Variants in FMO2 observed in about 807,000 individuals in gnomAD.
The protein encoded by FMO2 is flavin containing dimethylaniline monoxygenase 2, also known as flavin-containing monooxygenase 2.
Under a neutral mutation model 41.6 loss-of-function variants are expected in FMO2, and 33 were observed. The observed-to-expected ratio is 0.79, with a 90% CI of 0.60 to 1.06. The LOEUF (loss-of-function observed/expected upper bound fraction) is 1.06, where lower values mean the gene tolerates loss of function less well. Among genes scored for constraint, FMO2 ranks in the 50% least tolerant of loss-of-function variants. FMO2 has a pLI of 0.00. For synonymous variants in FMO2, 214 were observed against 219.6 expected (o/e 0.97, Z 0.23); for missense variants, 619 against 632.9 (o/e 0.98, Z 0.23).
intron 5 of FMO2, among the ~76,000 whole-genome samples, chr1:171,200,948 A>G (rs1279034840): frequency 6.6e-6 from 1 of 152,138 alleles, no homozygotes; most frequent in African/African-American, 2.4e-5. Flanking sequence ...TCCATCCTAG[A>G]CTACTTCACG....
chr1:171,208,906 C>A lies in FMO2; in HGVS notation c.1369C>A (p.Pro457Thr). ...PDFCSLLFKDPKLAVRLYFGP... is the reference protein window; with the variant it reads ...PDFCSLLFKDTKLAVRLYFGP... ...TTTCTGCTCTCTCTTGTTCAAAGAT[C>A]CTAAACTGGCTGTGAGACTCTATTT... The change falls in exon 9 of 9, where the codon CCT becomes ACT. Residue 457 changes from proline to threonine, a missense_variant. Physicochemically the swap from Pro to Thr is conservative, Grantham distance 38 (BLOSUM62 -1). Transcript: ENST00000209929. The A allele has an allele frequency of 1.2e-6, 2 of 1,613,942 alleles. No individual in the cohort carries two copies. Among genetic ancestry groups the A allele is most frequent in the Non-Finnish European group, 1.7e-6 (2 of 1,179,890 alleles).
In FMO2 at chr1:171,193,477, G is replaced by T. The variant is rs2101987441; in HGVS notation, c.275G>T (p.Arg92Met). 1 of 1,611,736 alleles carries T rather than the reference G, an allele frequency of 6.2e-7. No homozygotes were observed. Among genetic ancestry groups the T allele is most frequent in the South Asian group, 1.1e-5 (1 of 90,738 alleles). Residue 92 changes from arginine (R) to methionine (M), a missense_variant, in exon 3 of 9, where the codon AGG becomes ATG. Coordinates refer to ENST00000209929, the MANE Select transcript of FMO2 (RefSeq NM_001460.5). ...LHNSKLLEYF[R>M]IFAKKFDLLK... is the part of the protein sequence containing the mutation. ...AATTCTAAACTTCTGGAATATTTCA[G>T]GATTTTTGCTAAAAAATTTGATCTG...
intron 8 of FMO2, 101 bp from the exon 9 acceptor site, chr1:171,208,693 T>C: frequency 9.2e-7 from 1 of 1,084,472 alleles, no homozygotes; most frequent in Non-Finnish European, 1.4e-6. Flanking sequence ...CTCATTCACA[T>C]ATTCACTCAT....
chr1:171,206,853 T>C (rs967325110), intron 7 of FMO2, among the ~76,000 whole-genome samples: 10 of 152,108 alleles, frequency 6.6e-5, no homozygotes, highest in African/African-American at 2.4e-4. Context: ...AGGGCAGAGA[T>C]ACAAAGTGGA....
At chr1:171,193,701 A>G (rs1267950707) in intron 3 of FMO2, among the ~76,000 whole-genome samples, 178 bp downstream of exon 3, 1 of 152,100 alleles carries the variant, frequency 6.6e-6, no homozygotes, top group Non-Finnish European at 1.5e-5. Flanking sequence ...GGTATTATAG[A>G]TTATATACAT....
chr1:171,188,655 G>C (rs1243826319), intron 2 of FMO2, among the ~76,000 whole-genome samples: 1 of 152,170 alleles, frequency 6.6e-6, no homozygotes, highest in African/African-American at 2.4e-5. Context: ...GGGAAACTTT[G>C]CCTTTTCACT....
At chr1:171,191,895 C>T (rs1049811863) in intron 2 of FMO2, among the ~76,000 whole-genome samples, 10 of 144,810 alleles carry the variant, frequency 6.9e-5, no homozygotes, top group East Asian at 4.1e-4. Context: ...AAAAATTAGC[C>T]GGTGTAGTGG....
chr1:171,193,231 A>G, intron 2 of FMO2, 104 bp from the exon 3 acceptor site: 1 of 707,128 alleles, frequency 1.4e-6, no homozygotes, highest in Middle Eastern at 2.5e-4. Context: ...ACACTGCAGC[A>G]ACCAAAGACA....
intron 4 of FMO2, among the ~76,000 whole-genome samples, chr1:171,197,763 G>C (rs1432053618): frequency 6.6e-6 from 1 of 152,194 alleles, no homozygotes; most frequent in African/African-American, 2.4e-5. Context: ...GAGTGGAACT[G>C]GTGGCTTTAT....
At chr1:171,197,638 G>A (rs1414753385) in intron 4 of FMO2, among the ~76,000 whole-genome samples, 1 of 152,188 alleles carries the variant, frequency 6.6e-6, no homozygotes, top group Non-Finnish European at 1.5e-5. Flanking sequence ...TCCCCAATGG[G>A]GCAGTATGAA....
intron 2 of FMO2, 104 bp downstream of exon 2, chr1:171,185,949 C>A: frequency 1.7e-6 from 2 of 1,205,844 alleles, no homozygotes; most frequent in Non-Finnish European, 2.4e-6. Context: ...CAACTCTGAT[C>A]AGATTTTATT....
At chr1:171,199,976 C>A (rs1658468370) in intron 5 of FMO2, among the ~76,000 whole-genome samples, 1 of 152,134 alleles carries the variant, frequency 6.6e-6, no homozygotes, top group African/African-American at 2.4e-5. Context: ...CTCAGCCTCC[C>A]AAAGTGCTGG....
intron 2 of FMO2, among the ~76,000 whole-genome samples, chr1:171,189,280 T>C (rs1657978091): frequency 6.6e-6 from 1 of 152,214 alleles, no homozygotes; most frequent in African/African-American, 2.4e-5. Context: ...ATGTATATGT[T>C]TAGTTATTTT....
At chr1:171,196,042 GGTTT>G (rs1376616595) in intron 3 of FMO2, among the ~76,000 whole-genome samples, 4 of 152,120 alleles carry the variant, frequency 2.6e-5, no homozygotes, top group African/African-American at 4.8e-5. Flanking sequence ...TTGAATTATT[GGTTT>G]GTTTCCTTGT....
chr1:171,196,913 C>A, intron 4 of FMO2, 102 bp downstream of exon 4: 3 of 1,012,890 alleles, frequency 3.0e-6, no homozygotes, highest in Non-Finnish European at 3.0e-6. Flanking sequence ...CTGGGCAGAA[C>A]TTGGCTCAAT....
At chr1:171,201,238 T>C in intron 5 of FMO2, among the ~76,000 whole-genome samples, 2 of 152,190 alleles carry the variant, frequency 1.3e-5, no homozygotes, top group East Asian at 3.9e-4. Flanking sequence ...GTCAATCATC[T>C]TTAAAACAGA....
At chr1:171,194,010 C>T (rs1247501892) in intron 3 of FMO2, among the ~76,000 whole-genome samples, 1 of 152,106 alleles carries the variant, frequency 6.6e-6, no homozygotes, top group African/African-American at 2.4e-5. Context: ...GAACTCCTGA[C>T]CTCAAGTGAT....
intron 2 of FMO2, among the ~76,000 whole-genome samples, chr1:171,192,758 T>C (rs1404111738): frequency 8.8e-6 from 1 of 113,874 alleles, no homozygotes; most frequent in Non-Finnish European, 1.7e-5. Flanking sequence ...AGAGCGAGAC[T>C]CTGTCTCAAA....
At chr1:171,195,892 A>G (rs1359147289) in intron 3 of FMO2, among the ~76,000 whole-genome samples, 1 of 152,230 alleles carries the variant, frequency 6.6e-6, no homozygotes, top group Non-Finnish European at 1.5e-5. Context: ...AGCAAATGTT[A>G]AAAACTATCA....
Sources: gnomAD v4.1 joint callset for allele counts (sites outside exome capture counted in the v4.1 genomes callset) on GRCh38, gnomAD v4.1.1 for gene constraint, MANE v1.5 for transcripts, NCBI Gene and HGNC (gene_info 2026-07-23, HGNC 2026-07-21) for gene names.